ULK4: variants seen among roughly 807,000 people sequenced by gnomAD.
The protein encoded by ULK4 is inactive serine/threonine-protein kinase ULK4.
In ULK4, 133 loss-of-function variants were observed where a neutral mutation model predicts 160.6. The observed-to-expected ratio is 0.83, with a 90% CI of 0.72 to 0.96. ULK4 has a LOEUF of 0.96. Among genes scored for constraint, ULK4 ranks in the 40% least tolerant of loss-of-function variants. The pLI, the probability that ULK4 is intolerant of heterozygous loss-of-function variation, is 0.00. For synonymous variants in ULK4, 534 were observed against 539.8 expected (o/e 0.99, Z 0.15); for missense variants, 1,580 against 1,499.5 (o/e 1.05, Z -0.89).
chr3:41,438,107 T>C (rs2083077328), intron 34 of ULK4, among the ~76,000 whole-genome samples: 1 of 122,462 alleles, frequency 8.2e-6, no homozygotes, highest in African/African-American at 3.7e-5. Flanking sequence ...ATGTTTATTG[T>C]TAAAAAAAAA....
intron 34 of ULK4, among the ~76,000 whole-genome samples, chr3:41,425,749 A>T (rs1054444571): frequency 5.3e-5 from 8 of 152,322 alleles, no homozygotes; most frequent in Non-Finnish European, 8.8e-5. Flanking sequence ...CATCACCACC[A>T]GGCCTGCTTT....
intron 35 of ULK4, among the ~76,000 whole-genome samples, chr3:41,283,366 T>C (rs2079396529): frequency 6.6e-6 from 1 of 152,198 alleles, no homozygotes; most frequent in African/African-American, 2.4e-5. Flanking sequence ...ATTGCCACAC[T>C]ATTCACAATA....
At chr3:41,320,177 CT>C (rs2080220554) in intron 35 of ULK4, among the ~76,000 whole-genome samples, 1 of 152,110 alleles carries the variant, frequency 6.6e-6, no homozygotes, top group Non-Finnish European at 1.5e-5. Context: ...CTTTGAGCTT[CT>C]GTTTCCCCAA....
At chr3:41,442,043 C>T (rs2083183202) in intron 34 of ULK4, among the ~76,000 whole-genome samples, 1 of 152,128 alleles carries the variant, frequency 6.6e-6, no homozygotes, top group South Asian at 2.1e-4. Flanking sequence ...TTACCTTTAA[C>T]CTACATGTGT....
intron 31 of ULK4, 49 bp from the exon 32 acceptor site, chr3:41,566,179 A>G (rs1286437285): frequency 1.4e-5 from 21 of 1,495,540 alleles, no homozygotes; most frequent in Non-Finnish European, 1.9e-5. Context: ...ATACAATTAC[A>G]TCATCGTAAA....
At chr3:41,699,893 T>C (rs553350337) in intron 27 of ULK4, among the ~76,000 whole-genome samples, 2 of 152,364 alleles carry the variant, frequency 1.3e-5, no homozygotes, top group African/African-American at 4.8e-5. Context: ...CAATAATTAG[T>C]ATGCTTGCAT....
At chr3:41,493,782 C>T (rs1314220039) in intron 32 of ULK4, among the ~76,000 whole-genome samples, 294 of 148,268 alleles carry the variant, frequency 2.0e-3, no homozygotes, top group African/African-American at 6.8e-3. Flanking sequence ...AAACTACCAT[C>T]AGAGAATACT....
intron 32 of ULK4, among the ~76,000 whole-genome samples, chr3:41,507,473 A>AAT (rs200025409): frequency 0.03 from 4,496 of 152,100 alleles, 209 homozygotes; most frequent in African/African-American, 0.098. Flanking sequence ...TCAACATTTA[A>AAT]GAAACTAAAT....
At chr3:41,889,688 A>G (rs1307951248) in intron 16 of ULK4, among the ~76,000 whole-genome samples, 1 of 152,226 alleles carries the variant, frequency 6.6e-6, no homozygotes, top group Admixed American at 6.5e-5. Context: ...AACCTAAAAC[A>G]AAAGTATAAG....
chr3:41,572,936 G>A (rs1386537315), intron 31 of ULK4, among the ~76,000 whole-genome samples: 1 of 152,070 alleles, frequency 6.6e-6, no homozygotes, highest in African/African-American at 2.4e-5. Flanking sequence ...GGGGAAAAGA[G>A]GAAACGACTC....
At chr3:41,558,849 C>T (rs1485612146) in intron 32 of ULK4, among the ~76,000 whole-genome samples, 1 of 151,840 alleles carries the variant, frequency 6.6e-6, no homozygotes, top group Non-Finnish European at 1.5e-5. Flanking sequence ...AAGAACTCCA[C>T]TTGATAGCTT....
chr3:41,840,309 T>C (rs9830064), intron 17 of ULK4, among the ~76,000 whole-genome samples: 48,245 of 152,054 alleles, frequency 0.32, 11,317 homozygotes, highest in African/African-American at 0.67. Flanking sequence ...TGGTGGTGCA[T>C]GCTTAGAGTC....
At chr3:41,777,894 C>T (rs1024040031) in intron 21 of ULK4, among the ~76,000 whole-genome samples, 1 of 142,762 alleles carries the variant, frequency 7.0e-6, no homozygotes, top group East Asian at 1.9e-4. Flanking sequence ...TGGGCAAAAA[C>T]TGGAAGCATT....
intron 5 of ULK4, among the ~76,000 whole-genome samples, chr3:41,923,886 T>C (rs1291779935): frequency 6.6e-6 from 1 of 152,164 alleles, no homozygotes; most frequent in Non-Finnish European, 1.5e-5. Context: ...ATAACCCCCA[T>C]TAATCCCTCT....
intron 6 of ULK4, 141 bp from the exon 7 acceptor site, chr3:41,918,681 A>T: frequency 4.5e-6 from 2 of 448,394 alleles, no homozygotes; most frequent in Non-Finnish European, 7.6e-6. Flanking sequence ...GGCTCACTGC[A>T]CACTCCGCCT....
At chr3:41,810,725 C>T (rs913940986) in intron 19 of ULK4, among the ~76,000 whole-genome samples, 3 of 152,170 alleles carry the variant, frequency 2.0e-5, no homozygotes, top group Admixed American at 6.6e-5. Context: ...ACCATTCTAA[C>T]TCAACAGTGT....
chr3:41,679,076 C>A (rs1575561477), intron 29 of ULK4, among the ~76,000 whole-genome samples: 2 of 152,062 alleles, frequency 1.3e-5, no homozygotes, highest in African/African-American at 4.8e-5. Context: ...ATCTATTGAG[C>A]CCTTACTATA....
chr3:41,480,660 A>G (rs1319727564), intron 32 of ULK4, among the ~76,000 whole-genome samples: 1 of 152,158 alleles, frequency 6.6e-6, no homozygotes, highest in Non-Finnish European at 1.5e-5. Flanking sequence ...AGAATATAGC[A>G]TATGTATTAG....
rs967364644 is a variant in ULK4 at position 41,446,235 on chromosome 3, G to A, written c.3492+9262C>T. ...AAAAAGTCAGGAAACAACAGGTGCC[G>A]AAGAGGATGTGGAGAAATAGGAACA... is the stretch of plus-strand genomic sequence containing the variant. On this transcript the variant is annotated intron_variant, in intron 34 of 36. Transcript: ENST00000301831. Among the ~76,000 whole-genome samples, 33 of 152,270 alleles carry A rather than the reference G, an allele frequency of 2.2e-4. 1 individual carries two copies. The highest frequency in any genetic ancestry group is 6.5e-4 in the African/African-American group (27 of 41,554).
Sources: allele counts gnomAD v4.1 joint callset (sites outside exome capture counted in the v4.1 genomes callset), GRCh38; gene constraint gnomAD v4.1.1; transcripts MANE v1.5; gene names NCBI Gene and HGNC (gene_info 2026-07-23, HGNC 2026-07-21).